The following TNRC6B variants were observed in gnomAD, a reference collection of about 807,000 sequenced individuals.
TNRC6B encodes trinucleotide repeat-containing gene 6B protein.
A neutral mutation model predicts 203.6 loss-of-function variants in TNRC6B; 52 were observed. The observed-to-expected ratio is 0.26, with a 90% CI of 0.20 to 0.32. TNRC6B has a LOEUF of 0.32. Among genes scored for constraint, TNRC6B ranks in the 10% least tolerant of loss-of-function variants. TNRC6B has a pLI of 1.00. For synonymous variants in TNRC6B, 838 were observed against 845.7 expected (o/e 0.99, Z 0.16); for missense variants, 1,923 against 2,286.2 (o/e 0.84, Z 3.24).
chr22:40,234,655 A>G (rs1302504656), intron 1 of TNRC6B, among the ~76,000 whole-genome samples: 1 of 152,252 alleles, frequency 6.6e-6, no homozygotes, highest in East Asian at 1.9e-4. Flanking sequence ...TACCTATCAC[A>G]TGTCACATAA....
At chr22:40,306,936 C>T (rs2071094168) in intron 15 of TNRC6B, among the ~76,000 whole-genome samples, 1 of 152,128 alleles carries the variant, frequency 6.6e-6, no homozygotes, top group African/African-American at 2.4e-5. Flanking sequence ...TGCTGTGAGC[C>T]AGGATTGTGC....
chr22:40,310,128 T>C (rs943299438), intron 16 of TNRC6B, among the ~76,000 whole-genome samples: 4 of 152,182 alleles, frequency 2.6e-5, no homozygotes, highest in Non-Finnish European at 5.9e-5. Flanking sequence ...AAATGCATGA[T>C]GGGGGCAGCG....
At chr22:40,192,159 A>C (rs1404828681) in intron 1 of TNRC6B, among the ~76,000 whole-genome samples, 2 of 152,226 alleles carry the variant, frequency 1.3e-5, no homozygotes, top group African/African-American at 4.8e-5. Flanking sequence ...TATAGGTGTG[A>C]GCAACTATGC....
rs1216134285 is a variant in TNRC6B, at chr22:40,323,489, A to G, written c.*248A>G. On this transcript the variant is annotated 3_prime_UTR_variant, in exon 23 of 23. Coordinates refer to ENST00000454349, the MANE Select transcript of TNRC6B (RefSeq NM_001162501.2). ...ATATCACTCTTGAAATACTTGAATC[A>G]TGAACGCCAACCTAGAAAGACAATG... 5.2e-6 allele frequency: 2 copies of G among 386,810 alleles called. No homozygotes were observed. Among genetic ancestry groups the G allele is most frequent in the East Asian group, 9.6e-5 (2 of 20,754 alleles). 24.0% of individuals were successfully genotyped at this position (386,810 alleles called of 1,614,324 possible).
intron 1 of TNRC6B, among the ~76,000 whole-genome samples, chr22:40,105,614 T>G (rs2068276594): frequency 6.6e-6 from 1 of 152,236 alleles, no homozygotes; most frequent in Non-Finnish European, 1.5e-5. Flanking sequence ...TGTTGTTACA[T>G]GTGGCTGTCC....
At chr22:40,292,148 C>T (rs1288337459) in intron 12 of TNRC6B, among the ~76,000 whole-genome samples, 2 of 151,728 alleles carry the variant, frequency 1.3e-5, no homozygotes, top group South Asian at 4.2e-4. Context: ...GAGCCGAGAT[C>T]GTGCCACTGC....
chr22:40,323,003 A>G lies in TNRC6B; in HGVS notation c.5264A>G (p.Gln1755Arg). The G allele has an allele frequency of 6.2e-7, 1 of 1,608,368 alleles. No homozygotes were observed. Among genetic ancestry groups the G allele is most frequent in the Non-Finnish European group, 8.5e-7 (1 of 1,177,204 alleles). The part of the protein sequence containing the change: ...GWQSLETGQN[Q>R]SDPVGPALNL... ...CAGTCGCTGGAGACCGGCCAGAACC[A>G]GTCAGATCCCGTGGGACCTGCTCTG... is the stretch of plus-strand genomic sequence containing the variant. The change falls in exon 23 of 23, where the codon CAG (glutamine) becomes CGG (arginine). Residue 1755 changes from glutamine (Q) to arginine (R), a missense_variant. This residue lies in a region of TNRC6B where 126 missense variants were observed against 137.5 expected (regional missense o/e 0.92). Transcript: ENST00000454349.
chr22:40,226,506 C>T (rs2069788152), intron 1 of TNRC6B, among the ~76,000 whole-genome samples: 1 of 152,174 alleles, frequency 6.6e-6, no homozygotes, highest in Non-Finnish European at 1.5e-5. Flanking sequence ...GTCCACATCT[C>T]TTCCATTTAT....
At chr22:40,106,437 G>T in intron 1 of TNRC6B, 1 of 861,764 alleles carries the variant, frequency 1.2e-6, no homozygotes, top group Non-Finnish European at 1.9e-6. Flanking sequence ...TAATTTTAAG[G>T]GCCACAGGAA....
rs765016548 is a variant in TNRC6B, at chr22:40,266,358, G to A, written c.2128G>A (p.Gly710Arg). ...DYKNNNSSNWGGGRPDEKTPS... is the reference protein window; with the variant it reads ...DYKNNNSSNWRGGRPDEKTPS... Reference sequence around the variant, plus strand: ...CAAGAACAACAACTCTTCCAACTGGGGAGGAGGACGACCTGATGAAAAGAC... The same window carrying A: ...CAAGAACAACAACTCTTCCAACTGGAGAGGAGGACGACCTGATGAAAAGAC... The change falls in exon 5 of 23, where the codon GGA becomes AGA. Residue 710 changes from glycine (G) to arginine (R), a missense_variant. Physicochemically the swap from Gly to Arg is moderately radical, Grantham distance 125 (BLOSUM62 -2). Around this residue, in one of 8 missense-constraint regions of TNRC6B, gnomAD observed 599 missense variants for 656.5 expected, o/e 0.91. Coordinates refer to ENST00000454349, the MANE Select transcript of TNRC6B (RefSeq NM_001162501.2). 11 of 1,611,528 alleles carry A rather than the reference G, an allele frequency of 6.8e-6. No individual in the cohort carries two copies. In the Admixed American group the frequency reaches 1.8e-4, roughly 27 times the overall value.
intron 1 of TNRC6B, among the ~76,000 whole-genome samples, chr22:40,084,364 T>C (rs1032057553): frequency 1.3e-5 from 2 of 152,148 alleles, no homozygotes; most frequent in African/African-American, 2.4e-5. Context: ...GTGAGGCAGA[T>C]TGAAGGACAA....
chr22:40,220,482 G>C (rs536545042), intron 1 of TNRC6B, among the ~76,000 whole-genome samples: 34 of 152,070 alleles, frequency 2.2e-4, no homozygotes, highest in African/African-American at 7.7e-4. Flanking sequence ...TGGGGAGGAG[G>C]GGGGGAGGGG....
intron 4 of TNRC6B, among the ~76,000 whole-genome samples, chr22:40,263,860 T>C (rs2070427418): frequency 6.6e-6 from 1 of 152,198 alleles, no homozygotes; most frequent in Admixed American, 6.5e-5. Flanking sequence ...TCCGCAGCAT[T>C]GTGCTGGCTG....
chr22:40,312,838 A>G (rs2071204712), intron 18 of TNRC6B, 64 bp from the exon 19 acceptor site: 1 of 1,519,858 alleles, frequency 6.6e-7, no homozygotes. Flanking sequence ...AAATACTCTC[A>G]AGGTTTCACT....
chr22:40,056,716 T>C (rs1434815479), intron 1 of TNRC6B, among the ~76,000 whole-genome samples: 1 of 149,806 alleles, frequency 6.7e-6, no homozygotes, highest in African/African-American at 2.5e-5. Flanking sequence ...GAGGATTGCA[T>C]GAGCCCAGGA....
intron 12 of TNRC6B, 53 bp downstream of exon 12, chr22:40,285,823 T>C (rs911231706): frequency 5.6e-6 from 9 of 1,597,692 alleles, no homozygotes; most frequent in Non-Finnish European, 6.8e-6. Flanking sequence ...TTCACATCAT[T>C]ACCAGTTGTT....
chr22:40,256,597 G>A (rs2070282254), intron 3 of TNRC6B, among the ~76,000 whole-genome samples: 1 of 152,202 alleles, frequency 6.6e-6, no homozygotes, highest in South Asian at 2.1e-4. Context: ...TTTTATGGGA[G>A]CACAGCCACA....
At chr22:40,299,507 G>T (rs1199953402) in intron 12 of TNRC6B, among the ~76,000 whole-genome samples, 1 of 152,176 alleles carries the variant, frequency 6.6e-6, no homozygotes, top group Non-Finnish European at 1.5e-5. Flanking sequence ...CTGAAGTGCT[G>T]GGATTACAGG....
At chr22:40,080,104 T>G in intron 1 of TNRC6B, among the ~76,000 whole-genome samples, 1 of 149,082 alleles carries the variant, frequency 6.7e-6, no homozygotes, top group East Asian at 2.0e-4. Flanking sequence ...CTTTTTTTTT[T>G]TTTTTTTTTG....
Sources: allele counts gnomAD v4.1 joint callset (sites outside exome capture counted in the v4.1 genomes callset), GRCh38; gene constraint gnomAD v4.1.1; regional missense constraint gnomAD v4.1.1; transcripts MANE v1.5; gene names NCBI Gene and HGNC (gene_info 2026-07-23, HGNC 2026-07-21).